TTLL1: variants seen among roughly 807,000 people sequenced by gnomAD.
The protein encoded by TTLL1 is polyglutamylase complex subunit TTLL1.
TTLL1 carries 33 observed loss-of-function variants against 47.8 expected under a neutral mutation model. The observed-to-expected ratio is 0.69, with a 90% CI of 0.52 to 0.92. TTLL1 has a LOEUF of 0.92. Among genes scored for constraint, TTLL1 ranks in the 40% least tolerant of loss-of-function variants. TTLL1 has a pLI of 0.00. For missense variants in TTLL1, 488 were observed against 547.5 expected (o/e 0.89, Z 1.08); for synonymous variants, 225 against 214.1 (o/e 1.05, Z -0.45).
intron 4 of TTLL1, 55 bp downstream of exon 4, chr22:43,069,580 CA>C (rs1927975433): frequency 6.2e-7 from 1 of 1,610,684 alleles, no homozygotes; most frequent in African/African-American, 1.3e-5. Flanking sequence ...CCTCGCGCCC[CA>C]AAGAAAAAAT....
rs773683360 is a variant in TTLL1 at position 43,064,298 on chromosome 22, G to A, written c.530C>T (p.Ala177Val). The change falls in exon 6 of 11, where the codon GCC (alanine) becomes GTC (valine). Residue 177 changes from alanine to valine, a missense_variant. By Grantham distance (64) the Ala-to-Val change is moderately conservative (BLOSUM62 0). Transcript: ENST00000266254. ...GTTAATATAGAGAGAGATCACGTAG[G>A]CTTCCTTATTAGATTGAGACACAAA... Reference protein sequence around the residue: ...SSFVSQSNKEAYVISLYINNP... With the variant: ...SSFVSQSNKEVYVISLYINNP... 39 of 1,613,164 alleles carry A rather than the reference G, an allele frequency of 2.4e-5. No individual in the cohort carries two copies. The highest frequency in any genetic ancestry group is 3.3e-5 in the Admixed American group (2 of 59,738).
chr22:43,053,827 A>G (rs990263542), intron 8 of TTLL1, among the ~76,000 whole-genome samples: 1 of 152,218 alleles, frequency 6.6e-6, no homozygotes, highest in Admixed American at 6.5e-5. Flanking sequence ...GTTCAGAGGC[A>G]CCTGCCAGAG....
chr22:43,069,989 G>C, intron 3 of TTLL1, 145 bp from the exon 4 acceptor site: 2 of 1,363,486 alleles, frequency 1.5e-6, no homozygotes, highest in Non-Finnish European at 2.0e-6. Flanking sequence ...GGGGTTGCCC[G>C]GCCCACAGCA....
Position 43,081,846 on chromosome 22 carries a change from C to CTTTTTT in TTLL1, c.-89-1866_-89-1861dup, listed in dbSNP as rs58743481. ...ATAGGCGTGAGCCATCACACCTGGCCTTTTTTTTTTTTTTTTTTTTTGAGT... is the reference window on the plus strand; with the variant it reads ...ATAGGCGTGAGCCATCACACCTGGCCTTTTTTTTTTTTTTTTTTTTTTTTTTTGAGT... On this transcript the variant is annotated intron_variant, in intron 1 of 10. Transcript: ENST00000266254. Among the ~76,000 whole-genome samples the CTTTTTT allele has an allele frequency of 3.5e-5, 2 of 56,438 alleles. 1 individual carries two copies. Among genetic ancestry groups the CTTTTTT allele is most frequent in the Non-Finnish European group, 6.0e-5 (2 of 33,294 alleles). 37.0% of individuals were successfully genotyped at this position (56,438 alleles called of 152,430 possible).
intron 8 of TTLL1, among the ~76,000 whole-genome samples, chr22:43,058,840 G>A (rs1420672478): frequency 1.3e-5 from 2 of 151,958 alleles, no homozygotes; most frequent in Non-Finnish European, 2.9e-5. Context: ...GATTACAGGT[G>A]CACACCACCA....
intron 8 of TTLL1, among the ~76,000 whole-genome samples, chr22:43,056,863 G>A (rs1927049337): frequency 6.6e-6 from 1 of 152,110 alleles, no homozygotes; most frequent in African/African-American, 2.4e-5. Flanking sequence ...CGTGATCGTG[G>A]CTCACTGTAC....
At chr22:43,060,991 T>C (rs1402176363) in intron 7 of TTLL1, among the ~76,000 whole-genome samples, 2 of 151,736 alleles carry the variant, frequency 1.3e-5, no homozygotes, top group East Asian at 1.9e-4. Flanking sequence ...AGGTCAGGAG[T>C]TCGAGACCAG....
chr22:43,070,981 C>T (rs562978368), intron 3 of TTLL1, among the ~76,000 whole-genome samples: 5 of 152,092 alleles, frequency 3.3e-5, no homozygotes, highest in Middle Eastern at 3.4e-3. Context: ...GACTTGATCT[C>T]GCCGCACTGC....
At position 43,046,560 on chromosome 22, in the gene TTLL1, G is replaced by A. The variant is rs763812547; in HGVS notation, c.992C>T (p.Pro331Leu). 22 of 1,613,886 alleles carry A rather than the reference G, an allele frequency of 1.4e-5. No individual in the cohort carries two copies. Among genetic ancestry groups the A allele is most frequent in the African/African-American group, 4.0e-5 (3 of 74,896 alleles). The change falls in exon 10 of 11, where the codon CCG becomes CTG. Residue 331 changes from proline to leucine, a missense_variant. Transcript: ENST00000266254. ...ATTGGCAGTGCTGGACGTGAGAGAC[G>A]GGGACGCATTCACCTGTGAGATGAA... ...KPWLIEVNAS[P>L]SLTSSTANDR... is the part of the protein sequence containing the mutation.
intron 1 of TTLL1, among the ~76,000 whole-genome samples, chr22:43,084,598 C>T (rs965855945): frequency 1.3e-5 from 2 of 150,918 alleles, no homozygotes; most frequent in South Asian, 2.1e-4. Context: ...GCCTCCTGGG[C>T]TCACGCCATT....
intron 1 of TTLL1, among the ~76,000 whole-genome samples, chr22:43,080,539 C>G (rs1416603315): frequency 6.6e-6 from 1 of 151,504 alleles, no homozygotes; most frequent in Admixed American, 6.6e-5. Context: ...TACCACCCCT[C>G]ATGTCACACA....
intron 9 of TTLL1, among the ~76,000 whole-genome samples, chr22:43,047,344 C>T (rs899809628): frequency 1.3e-5 from 2 of 152,162 alleles, no homozygotes; most frequent in African/African-American, 2.4e-5. Flanking sequence ...ATGATGAATC[C>T]TTCCAACACA....
Position 43,059,484 on chromosome 22 carries a change from TTAC to T in TTLL1, c.788_790del (p.Ser263del). 1.2e-6 allele frequency: 2 copies of T among 1,613,886 alleles called. No individual in the cohort carries two copies. Among genetic ancestry groups the T allele is most frequent in the Non-Finnish European group, 1.7e-6 (2 of 1,179,924 alleles). ...GGTGCTCTCCAGGTAGAGCCGCAGG[TTAC>T]TCACTGTCCACTTGCCCCCATGGAT... On this transcript the variant is annotated inframe_deletion, in exon 8 of 11. Coordinates refer to ENST00000266254, the MANE Select transcript of TTLL1 (RefSeq NM_012263.5).
chr22:43,075,391 GC>G lies in TTLL1; in HGVS notation c.113+82del, dbSNP rs1284705907. Reference sequence around the variant, plus strand: ...AATGACAGGAGACAGTGGCTCTGAGGCCACTCTCTGGGAGGCACTGGAATTA... The same window carrying G: ...AATGACAGGAGACAGTGGCTCTGAGGCACTCTCTGGGAGGCACTGGAATTA... On this transcript the variant is annotated intron_variant, in intron 3 of 10. Coordinates refer to ENST00000266254, the MANE Select transcript of TTLL1 (RefSeq NM_012263.5). 3.5e-6 allele frequency: 4 copies of G among 1,151,116 alleles called. No homozygotes were observed. In the Admixed American group the frequency reaches 7.4e-5, roughly 21 times the overall value. 71.3% of individuals were successfully genotyped at this position (1,151,116 alleles called of 1,614,324 possible).
chr22:43,068,666 C>A, intron 4 of TTLL1, 76 bp from the exon 5 acceptor site: 8 of 1,320,296 alleles, frequency 6.1e-6, no homozygotes, highest in South Asian at 4.9e-5. Context: ...CTTGCCCTTG[C>A]CTTTCCAGGG....
chr22:43,060,449 G>A (rs577950456), intron 7 of TTLL1, among the ~76,000 whole-genome samples: 1 of 152,286 alleles, frequency 6.6e-6, no homozygotes, highest in African/African-American at 2.4e-5. Context: ...AGCAACATCA[G>A]CTTGCCGACT....
intron 4 of TTLL1, 58 bp downstream of exon 4, chr22:43,069,578 C>A: frequency 6.2e-7 from 1 of 1,610,046 alleles, no homozygotes; most frequent in Non-Finnish European, 8.5e-7. Context: ...CGCCTCGCGC[C>A]CCAAAGAAAA....
chr22:43,079,583 T>C (rs1172554115), intron 2 of TTLL1, among the ~76,000 whole-genome samples: 1 of 152,176 alleles, frequency 6.6e-6, no homozygotes, highest in East Asian at 1.9e-4. Context: ...GGTTCACATG[T>C]TGTACTTAAA....
intron 3 of TTLL1, among the ~76,000 whole-genome samples, chr22:43,071,501 G>C (rs1056915764): frequency 3.5e-4 from 53 of 151,938 alleles, no homozygotes; most frequent in Non-Finnish European, 6.9e-4. Flanking sequence ...CCTCTGCCTC[G>C]CAGGTTCGAG....
Sources: allele counts gnomAD v4.1 joint callset (sites outside exome capture counted in the v4.1 genomes callset), GRCh38; gene constraint gnomAD v4.1.1; transcripts MANE v1.5; gene names NCBI Gene and HGNC (gene_info 2026-07-23, HGNC 2026-07-21).